Variants in PXDNL observed in about 807,000 individuals in gnomAD.
The protein encoded by PXDNL is peroxidasin like.
In PXDNL, 145 loss-of-function variants were observed where a neutral mutation model predicts 150.8. The ratio of observed to expected loss-of-function variants is 0.96; its 90% CI spans 0.84 to 1.10. PXDNL has a LOEUF of 1.10. Ranked by LOEUF, PXDNL falls within the 50% of genes least tolerant of loss-of-function variation. PXDNL has a pLI of 0.00. For synonymous variants in PXDNL, 757 were observed against 725.7 expected, an observed-to-expected ratio of 1.04 and a Z score of -0.69; for missense variants, 2,087 against 1,873.9, an observed-to-expected ratio of 1.11 and a Z score of -2.10.
intron 1 of PXDNL, among the ~76,000 whole-genome samples, chr8:51,729,288 C>G (rs1816874636): frequency 6.7e-6 from 1 of 149,490 alleles, no homozygotes; most frequent in Non-Finnish European, 1.5e-5. Flanking sequence ...GATAGTTATC[C>G]AAAATATACC....
intron 17 of PXDNL, among the ~76,000 whole-genome samples, chr8:51,397,898 C>T (rs569193849): frequency 1.3e-5 from 2 of 152,152 alleles, no homozygotes; most frequent in South Asian, 4.1e-4. Flanking sequence ...AATGCTATCC[C>T]TCCCCCCTCC....
At chr8:51,807,056 T>G (rs1394175282) in intron 1 of PXDNL, among the ~76,000 whole-genome samples, 1 of 152,216 alleles carries the variant, frequency 6.6e-6, no homozygotes, top group Admixed American at 6.5e-5. Flanking sequence ...TAAAATGCAT[T>G]AATTCATTAA....
At chr8:51,801,282 T>C (rs1480377822) in intron 1 of PXDNL, among the ~76,000 whole-genome samples, 1 of 152,024 alleles carries the variant, frequency 6.6e-6, no homozygotes, top group Admixed American at 6.6e-5. Flanking sequence ...CCCTGGTAAA[T>C]TTGAGGTCAG....
intron 1 of PXDNL, among the ~76,000 whole-genome samples, chr8:51,681,345 T>C (rs1267621240): frequency 6.6e-6 from 1 of 152,156 alleles, no homozygotes; most frequent in African/African-American, 2.4e-5. Context: ...CCACCTTGCC[T>C]ATCAGTACCA....
intron 1 of PXDNL, among the ~76,000 whole-genome samples, chr8:51,713,881 T>C (rs1002935800): frequency 3.3e-5 from 5 of 152,210 alleles, no homozygotes; most frequent in Non-Finnish European, 7.3e-5. Context: ...ATAAAAGTGA[T>C]CTACCAAAAA....
intron 21 of PXDNL, among the ~76,000 whole-genome samples, chr8:51,328,763 T>C (rs1489706235): frequency 2.0e-5 from 3 of 152,070 alleles, no homozygotes; most frequent in Non-Finnish European, 4.4e-5. Context: ...ATTCAAGAAG[T>C]TTACCTTAAG....
chr8:51,363,931 A>G (rs1446229611), intron 19 of PXDNL, among the ~76,000 whole-genome samples: 1 of 152,228 alleles, frequency 6.6e-6, no homozygotes, highest in Admixed American at 6.5e-5. Context: ...CAGTTAAATA[A>G]GGTATTATAG....
intron 17 of PXDNL, among the ~76,000 whole-genome samples, chr8:51,391,593 GT>G (rs1360678686): frequency 6.6e-6 from 1 of 152,034 alleles, no homozygotes; most frequent in African/African-American, 2.4e-5. Context: ...GGGGTTGTTT[GT>G]TTTTTTCTTG....
chr8:51,532,099 G>C (rs1310897440), intron 4 of PXDNL, among the ~76,000 whole-genome samples: 3 of 152,188 alleles, frequency 2.0e-5, no homozygotes, highest in African/African-American at 7.2e-5. Context: ...GCAGAATGCA[G>C]GTAAGTATGA....
At chr8:51,455,146 A>AAAAAAAAGAG in intron 9 of PXDNL, among the ~76,000 whole-genome samples, 1 of 149,058 alleles carries the variant, frequency 6.7e-6, no homozygotes, top group African/African-American at 2.5e-5. Context: ...GGTAAGGGAA[A>AAAAAAAAGAG]GTATAGGGAA....
intron 1 of PXDNL, among the ~76,000 whole-genome samples, chr8:51,706,640 T>C (rs1816384543): frequency 1.3e-5 from 2 of 152,218 alleles, no homozygotes; most frequent in African/African-American, 2.4e-5. Flanking sequence ...AATAGTAAAG[T>C]TGAGTTTACA....
At chr8:51,381,729 T>G (rs1018713088) in intron 17 of PXDNL, among the ~76,000 whole-genome samples, 1 of 151,592 alleles carries the variant, frequency 6.6e-6, no homozygotes, top group African/African-American at 2.4e-5. Flanking sequence ...TCTCGGCTAC[T>G]GAAAGCTCCA....
intron 1 of PXDNL, among the ~76,000 whole-genome samples, chr8:51,752,685 C>T (rs928565075): frequency 6.6e-6 from 1 of 152,014 alleles, no homozygotes; most frequent in African/African-American, 2.4e-5. Context: ...TGTTCATTTT[C>T]CTAATGCCCA....
At chr8:51,649,700 CTTTT>C (rs1814994749) in intron 2 of PXDNL, among the ~76,000 whole-genome samples, 2 of 151,946 alleles carry the variant, frequency 1.3e-5, no homozygotes, top group Admixed American at 1.3e-4. Context: ...CTATTTCTTT[CTTTT>C]TAATTATGTT....
intron 2 of PXDNL, among the ~76,000 whole-genome samples, chr8:51,613,017 G>A (rs1266895588): frequency 6.6e-6 from 1 of 152,148 alleles, no homozygotes; most frequent in South Asian, 2.1e-4. Context: ...GGTTACTGCT[G>A]CGATGTAAGG....
chr8:51,486,784 ATATATATATATTTTTTTTTTT>A (rs1255834196), intron 5 of PXDNL, among the ~76,000 whole-genome samples: 14 of 22,842 alleles, frequency 6.1e-4, no homozygotes, highest in African/African-American at 1.6e-3. Flanking sequence ...ATATATATAT[ATATATATATATTTTTTTTTTT>A]TTTTTTTTTT....
intron 11 of PXDNL, 45 bp downstream of exon 11, chr8:51,448,957 A>G (rs1809743852): frequency 1.0e-6 from 1 of 952,526 alleles, no homozygotes; most frequent in African/African-American, 1.6e-5. Flanking sequence ...TCCACAAAAG[A>G]AGGCACTTAT....
intron 1 of PXDNL, among the ~76,000 whole-genome samples, chr8:51,679,113 G>GA (rs1815690617): frequency 6.6e-6 from 1 of 152,150 alleles, no homozygotes. Flanking sequence ...TAATGCAGAG[G>GA]AAAAAACTGG....
chr8:51,801,633 G>T (rs2037622076), intron 1 of PXDNL, among the ~76,000 whole-genome samples: 1 of 152,126 alleles, frequency 6.6e-6, no homozygotes, highest in Non-Finnish European at 1.5e-5. Context: ...AAAATAGAAA[G>T]GACCTATGTT....
Sources: allele counts gnomAD v4.1 joint callset (sites outside exome capture counted in the v4.1 genomes callset), GRCh38; gene constraint gnomAD v4.1.1; transcripts MANE v1.5; gene names NCBI Gene and HGNC (gene_info 2026-07-23, HGNC 2026-07-21).